ZNF587: variants seen among roughly 807,000 people sequenced by gnomAD.
ZNF587 encodes zinc finger protein zfp6.
In ZNF587, 8 loss-of-function variants were observed where a neutral mutation model predicts 7.5. The ratio of observed to expected loss-of-function variants is 1.06; its 90% CI spans 0.62 to 1.92. The LOEUF (loss-of-function observed/expected upper bound fraction) is 1.92. Ranked by LOEUF, ZNF587 falls within the 40% of genes most tolerant of loss-of-function variation. The probability of loss-of-function intolerance (pLI) is 0.00; values close to 1 mark genes in which losing one functional copy is unlikely to be tolerated. For missense variants in ZNF587, 468 were observed against 692.8 expected (o/e 0.68, Z 3.64); for synonymous variants, 145 against 237.8 (o/e 0.61, Z 3.59).
At chr19:57,851,212 G>A (rs768401145) in intron 1 of ZNF587, 5 of 152,174 alleles carry the variant, frequency 3.3e-5, no homozygotes, top group African/African-American at 7.2e-5. Flanking sequence ...ACTTGGGGAG[G>A]TTCAGACTCT....
chr19:57,854,722 T>C (rs528419684), intron 1 of ZNF587, among the ~76,000 whole-genome samples: 1 of 152,166 alleles, frequency 6.6e-6, no homozygotes, highest in East Asian at 1.9e-4. Context: ...TGGGCCGTTA[T>C]ACCCTCTTCA....
At position 57,860,362 on chromosome 19, in the gene ZNF587, G is replaced by T. The variant is rs2071419267; in HGVS notation, c.*222G>T. 4.6e-5 allele frequency: 34 copies of T among 740,934 alleles called. No homozygotes were observed. In the Middle Eastern group the frequency reaches 3.4e-3, roughly 74 times the overall value. 45.9% of individuals were successfully genotyped at this position (740,934 alleles called of 1,614,324 possible). A position where few individuals can be genotyped will look rare whatever the true frequency, so the allele number is the denominator to read the frequency against. ...TGGCTCGCTGCAACTTGGGCCTCCT[G>T]GGTTCATGCAATCCTCCTACCTCAG... On this transcript the variant is annotated 3_prime_UTR_variant, in exon 3 of 3. Transcript: ENST00000339656.
chr19:57,859,898 G>A lies in ZNF587; in HGVS notation c.1486G>A (p.Glu496Lys). The A allele has an allele frequency of 6.2e-7, 1 of 1,614,030 alleles. No individual in the cohort carries two copies. Among genetic ancestry groups the A allele is most frequent in the Non-Finnish European group, 8.5e-7 (1 of 1,179,992 alleles). ...HTGERPYECSECGKSFLSSSA... is the reference protein window; with the variant it reads ...HTGERPYECSKCGKSFLSSSA... ...TGGAGAAAGGCCGTATGAATGCAGT[G>A]AATGTGGGAAATCATTTCTTTCCAG... is the stretch of plus-strand genomic sequence containing the variant. The change falls in exon 3 of 3, where the codon GAA (glutamate) becomes AAA (lysine). Residue 496 changes from glutamate (E) to lysine (K), a missense_variant. Glu to Lys is a moderately conservative substitution (Grantham distance 56, BLOSUM62 1). Transcript: ENST00000339656.
chr19:57,859,578 T>C lies in ZNF587; in HGVS notation c.1166T>C (p.Phe389Ser), dbSNP rs1001049035. The C allele has an allele frequency of 3.1e-6, 5 of 1,614,006 alleles. No homozygotes were observed. Among genetic ancestry groups the C allele is most frequent in the Non-Finnish European group, 4.2e-6 (5 of 1,180,014 alleles). The change falls in exon 3 of 3, where the codon TTT becomes TCT. Residue 389 changes from phenylalanine to serine, a missense_variant. This residue lies in a region of ZNF587 where 310 missense variants were observed against 325.6 expected (regional missense o/e 0.95). Transcript: ENST00000339656. Reference protein sequence around the residue: ...PYKCGECGKSFGQKGNLVHHQ... With the variant: ...PYKCGECGKSSGQKGNLVHHQ... The stretch of plus-strand genomic sequence containing the variant: ...AAGTGTGGAGAATGTGGGAAATCTT[T>C]TGGTCAAAAGGGCAACCTCGTTCAC...
At position 57,849,940 on chromosome 19, in the gene ZNF587, C is replaced by G. The variant is rs187378277; in HGVS notation, c.-99C>G. On this transcript the variant is annotated 5_prime_UTR_variant, in exon 1 of 3. Coordinates refer to ENST00000339656, the MANE Select transcript of ZNF587 (RefSeq NM_032828.4). ...CTGGGTGGGACCGCGGTGACTGAAC[C>G]TAGAAGGTGGAGAGGAATCGTCCTC... The G allele has an allele frequency of 1.3e-4, 207 of 1,609,130 alleles. No homozygotes were observed. The African/African-American group carries it at 2.5e-3, about 19-fold the overall frequency.
At chr19:57,854,915 G>A (rs1269466689) in intron 1 of ZNF587, among the ~76,000 whole-genome samples, 2 of 151,390 alleles carry the variant, frequency 1.3e-5, no homozygotes, top group African/African-American at 2.4e-5. Flanking sequence ...GGTGGCTCAA[G>A]CCTGGAATCC....
rs745624538 is a variant in ZNF587 at position 57,859,845 on chromosome 19, G to A, written c.1433G>A (p.Ser478Asn). ...VCGKLFGNKH[S>N]VTIHQRIHTG... ...GGGAAATTATTTGGCAATAAGCACA[G>A]CGTGACTATACATCAGAGGATTCAC... is the stretch of plus-strand genomic sequence containing the variant. The change falls in exon 3 of 3, where the codon AGC (serine) becomes AAC (asparagine). Residue 478 changes from serine to asparagine, a missense_variant. By Grantham distance (46) the Ser-to-Asn change is conservative (BLOSUM62 1). Coordinates refer to ENST00000339656, the MANE Select transcript of ZNF587 (RefSeq NM_032828.4). The A allele has an allele frequency of 6.8e-6, 11 of 1,614,042 alleles. No individual in the cohort carries two copies. In the Admixed American group the frequency reaches 1.8e-4, roughly 27 times the overall value.
rs2071466107 is a variant in ZNF587 at position 57,863,639 on chromosome 19, A to G, written c.*3499A>G. 1 of 152,220 alleles carries G rather than the reference A, an allele frequency of 6.6e-6. No homozygotes were observed. Among genetic ancestry groups the G allele is most frequent in the African/African-American group, 2.4e-5 (1 of 41,462 alleles). 9.4% of individuals were successfully genotyped at this position (152,220 alleles called of 1,614,324 possible). On this transcript the variant is annotated 3_prime_UTR_variant, in exon 3 of 3. Transcript: ENST00000339656. The stretch of plus-strand genomic sequence containing the variant: ...ATGGAATCTCTGTTATTTTCCTAAC[A>G]TGCTTGGTGGATACAAGAGTTAAGA...
At chr19:57,855,143 T>C (rs1169276008) in intron 1 of ZNF587, among the ~76,000 whole-genome samples, 1 of 151,624 alleles carries the variant, frequency 6.6e-6, no homozygotes, top group Non-Finnish European at 1.5e-5. Flanking sequence ...GAGATCATGC[T>C]ACTGCCCTCC....
chr19:57,855,411 ACT>A (rs1217337864), intron 1 of ZNF587, among the ~76,000 whole-genome samples: 2 of 151,486 alleles, frequency 1.3e-5, no homozygotes, highest in Non-Finnish European at 2.9e-5. Flanking sequence ...GGTTGGGGAA[ACT>A]CTGGTGGGGG....
At chr19:57,855,163 G>T (rs954052128) in intron 1 of ZNF587, among the ~76,000 whole-genome samples, 5 of 151,558 alleles carry the variant, frequency 3.3e-5, no homozygotes, top group African/African-American at 1.2e-4. Flanking sequence ...CAGCCTGGGG[G>T]ACACAGCAAG....
chr19:57,855,572 T>A (rs1600121340), intron 1 of ZNF587, among the ~76,000 whole-genome samples: 1 of 151,118 alleles, frequency 6.6e-6, no homozygotes, highest in Non-Finnish European at 1.5e-5. Context: ...TTTGTTTTTT[T>A]TTTTTTTGAG....
At chr19:57,856,404 C>A (rs1394931712) in intron 2 of ZNF587, among the ~76,000 whole-genome samples, 171 bp downstream of exon 2, 1 of 146,852 alleles carries the variant, frequency 6.8e-6, no homozygotes, top group Non-Finnish European at 1.5e-5. Flanking sequence ...GCCTTTTCCT[C>A]TCCTGTTTTT....
intron 1 of ZNF587, chr19:57,851,687 G>C (rs917453524): frequency 3.3e-5 from 5 of 152,244 alleles, no homozygotes; most frequent in African/African-American, 1.2e-4. Context: ...AAGCAGGCCA[G>C]GGGCTGTGCA....
Position 57,849,913 on chromosome 19 carries a change from T to G in ZNF587, c.-126T>G. The G allele has an allele frequency of 6.3e-7, 1 of 1,580,922 alleles. No homozygotes were observed. The highest frequency in any genetic ancestry group is 8.6e-7 in the Non-Finnish European group (1 of 1,163,204). On this transcript the variant is annotated 5_prime_UTR_variant, in exon 1 of 3. Transcript: ENST00000339656. ...GTTTCCCCAGTTTGTGGCCCCTGAG[T>G]GCTGGGTGGGACCGCGGTGACTGAA...
intron 1 of ZNF587, 72 bp downstream of exon 1, chr19:57,850,143 C>T (rs2071262484): frequency 4.3e-6 from 7 of 1,613,560 alleles, no homozygotes; most frequent in Non-Finnish European, 5.9e-6. Context: ...GAGGGAGCGG[C>T]TCCTGCTCGT....
rs373035916 is a variant in ZNF587, at chr19:57,850,027, C to G, written c.-12C>G. 6.2e-7 allele frequency: 1 copy of G among 1,614,136 alleles called. No homozygotes were observed. The highest frequency in any genetic ancestry group is 1.3e-5 in the African/African-American group (1 of 74,958). ...ACCACTGCTCCCGGGCCGTGCTTCC[C>G]CAAGTAGTCCGATGGCAGCGGCTGT... On this transcript the variant is annotated 5_prime_UTR_variant, in exon 1 of 3. Coordinates refer to ENST00000339656, the MANE Select transcript of ZNF587 (RefSeq NM_032828.4).
At chr19:57,854,606 G>GGTGA (rs1461928617) in intron 1 of ZNF587, among the ~76,000 whole-genome samples, 4 of 151,496 alleles carry the variant, frequency 2.6e-5, no homozygotes, top group Non-Finnish European at 4.4e-5. Context: ...GTTTTATCAA[G>GGTGA]GTGATAAGGC....
At chr19:57,856,363 G>A in intron 2 of ZNF587, 130 bp downstream of exon 2, 3 of 1,440,240 alleles carry the variant, frequency 2.1e-6, no homozygotes, top group African/African-American at 1.5e-5. Flanking sequence ...TGTGTAAGTT[G>A]TGTGGTTCGT....
Sources: gnomAD v4.1 joint callset for allele counts (sites outside exome capture counted in the v4.1 genomes callset) on GRCh38, gnomAD v4.1.1 for gene constraint, gnomAD v4.1.1 regional missense constraint, MANE v1.5 for transcripts, NCBI Gene and HGNC (gene_info 2026-07-23, HGNC 2026-07-21) for gene names.